Variants in LYPD6B observed in about 807,000 individuals in gnomAD.
The protein encoded by LYPD6B is LY6/PLAUR domain containing 6B, also known as ly6/PLAUR domain-containing protein 6B.
Under a neutral mutation model 22.8 loss-of-function variants are expected in LYPD6B, and 17 were observed. The ratio of observed to expected loss-of-function variants is 0.75; its 90% CI spans 0.51 to 1.12. The LOEUF (loss-of-function observed/expected upper bound fraction) is 1.12. Among genes scored for constraint, LYPD6B ranks in the 50% most tolerant of loss-of-function variants. The pLI, the probability that LYPD6B is intolerant of heterozygous loss-of-function variation, is 0.00. For missense variants in LYPD6B, 221 were observed against 258.3 expected (o/e 0.86, Z 0.99); for synonymous variants, 106 against 91.6 (o/e 1.16, Z -0.90).
At chr2:149,154,508 G>A (rs1689574508) in intron 2 of LYPD6B, among the ~76,000 whole-genome samples, 1 of 151,930 alleles carries the variant, frequency 6.6e-6, no homozygotes, top group South Asian at 2.1e-4. Flanking sequence ...ATTTATTATA[G>A]CAGACCTAGG....
intron 1 of LYPD6B, among the ~76,000 whole-genome samples, chr2:149,054,994 T>C (rs1469932268): frequency 6.6e-6 from 1 of 152,196 alleles, no homozygotes; most frequent in African/African-American, 2.4e-5. Flanking sequence ...CAAGGTCACA[T>C]AGGTTTCTTC....
At chr2:149,189,810 T>C (rs1294369295) in intron 3 of LYPD6B, among the ~76,000 whole-genome samples, 1 of 152,112 alleles carries the variant, frequency 6.6e-6, no homozygotes, top group Non-Finnish European at 1.5e-5. Flanking sequence ...ATTAGGATGG[T>C]GAATTGTCAG....
At chr2:149,092,939 A>T (rs1685725266) in intron 1 of LYPD6B, among the ~76,000 whole-genome samples, 1 of 152,224 alleles carries the variant, frequency 6.6e-6, no homozygotes, top group South Asian at 2.1e-4. Context: ...TCACAGACAG[A>T]CTAATCCACA....
intron 2 of LYPD6B, among the ~76,000 whole-genome samples, chr2:149,156,793 T>C (rs229322): frequency 0.13 from 19,548 of 152,078 alleles, 1,781 homozygotes; most frequent in African/African-American, 0.26. Flanking sequence ...GTGGTTGGGG[T>C]ACACAGTTCA....
At chr2:149,211,877 G>T (rs1246594831) in intron 5 of LYPD6B, among the ~76,000 whole-genome samples, 1 of 151,634 alleles carries the variant, frequency 6.6e-6, no homozygotes, top group Non-Finnish European at 1.5e-5. Context: ...AGAACCCTAA[G>T]TAATAAAATG....
chr2:149,073,889 G>T (rs1337685957), intron 1 of LYPD6B, among the ~76,000 whole-genome samples: 2 of 151,944 alleles, frequency 1.3e-5, no homozygotes, highest in Non-Finnish European at 2.9e-5. Flanking sequence ...GGGTGAGGGC[G>T]TGGAGACCCA....
At chr2:149,047,213 C>T in intron 1 of LYPD6B, among the ~76,000 whole-genome samples, 1 of 151,934 alleles carries the variant, frequency 6.6e-6, no homozygotes, top group Non-Finnish European at 1.5e-5. Context: ...CTTAATTTAA[C>T]ATTTGTTGTA....
rs869074241 is a variant in LYPD6B at position 149,120,383 on chromosome 2, A to ATTT, written c.-66-10483_-66-10481dup. The stretch of plus-strand genomic sequence containing the variant: ...TGTGTATATATATATATATATATAT[A>ATTT]TTTTTTTTTTTTTTTTTTTGAGATG... On this transcript the variant is annotated intron_variant, in intron 1 of 6. Coordinates refer to ENST00000409642, the MANE Select transcript of LYPD6B (RefSeq NM_177964.5). 6.2e-4 allele frequency among the ~76,000 whole-genome samples: 30 copies of ATTT among 48,612 alleles called. 4 individuals carry two copies. The highest frequency in any genetic ancestry group is 3.1e-3 in the East Asian group (2 of 648). The allele number at this position is 48,612 out of a possible 152,430, so 31.9% of individuals were successfully genotyped here. A position where few individuals can be genotyped will look rare whatever the true frequency, so the allele number is the denominator to read the frequency against.
At chr2:149,039,775 C>T (rs1019202949) in intron 1 of LYPD6B, among the ~76,000 whole-genome samples, 1 of 152,172 alleles carries the variant, frequency 6.6e-6, no homozygotes, top group Non-Finnish European at 1.5e-5. Context: ...GGATGCCTTA[C>T]TTGCTGACAG....
In LYPD6B at chr2:149,115,811, C is replaced by T. The variant is rs146612693; in HGVS notation, c.-66-15072C>T. On this transcript the variant is annotated intron_variant, in intron 1 of 6. Coordinates refer to ENST00000409642, the MANE Select transcript of LYPD6B (RefSeq NM_177964.5). ...CAAGGTTTCGATTACCTACGGTCAG[C>T]CTCAGTCTGAAAATATTAAATGGAA... Among the ~76,000 whole-genome samples, 960 of 152,294 alleles carry T rather than the reference C, an allele frequency of 6.3e-3. 12 individuals carry two copies. Among genetic ancestry groups the T allele is most frequent in the African/African-American group, 0.021 (879 of 41,552 alleles).
At position 149,124,299 on chromosome 2, in the gene LYPD6B, C is replaced by T. The variant is rs918269477; in HGVS notation, c.-66-6584C>T. Reference sequence around the variant, plus strand: ...CCAACTACCTTGTAATTATCAATGACGGTTGTTCCACTGGGCAGAGAACAT... The same window carrying T: ...CCAACTACCTTGTAATTATCAATGATGGTTGTTCCACTGGGCAGAGAACAT... On this transcript the variant is annotated intron_variant, in intron 1 of 6. Transcript: ENST00000409642. Among the ~76,000 whole-genome samples the T allele has an allele frequency of 7.9e-5, 12 of 152,262 alleles. No homozygotes were observed. The South Asian group carries it at 8.3e-4, about 11-fold the overall frequency.
At chr2:149,095,764 G>T (rs1470166576) in intron 1 of LYPD6B, among the ~76,000 whole-genome samples, 2 of 151,812 alleles carry the variant, frequency 1.3e-5, no homozygotes, top group African/African-American at 4.8e-5. Context: ...AGAGAAAGAG[G>T]CAGGAGACAG....
chr2:149,120,379 A>ATTTT (rs1371894805), intron 1 of LYPD6B, among the ~76,000 whole-genome samples: 549 of 43,590 alleles, frequency 0.013, 19 homozygotes, highest in African/African-American at 0.027. Flanking sequence ...ATATATATAT[A>ATTTT]TATATTTTTT....
At chr2:149,138,812 T>A (rs1327579111) in intron 2 of LYPD6B, among the ~76,000 whole-genome samples, 1 of 152,204 alleles carries the variant, frequency 6.6e-6, no homozygotes, top group Non-Finnish European at 1.5e-5. Flanking sequence ...CCTCCCAAAG[T>A]GCTAGGATTA....
intron 1 of LYPD6B, among the ~76,000 whole-genome samples, chr2:149,054,062 A>T (rs1006136345): frequency 4.6e-5 from 7 of 152,240 alleles, no homozygotes; most frequent in African/African-American, 1.7e-4. Context: ...TTCTGTAAGC[A>T]TTCATGTATA....
intron 4 of LYPD6B, chr2:149,205,973 G>C (rs571608145): frequency 3.5e-5 from 16 of 461,082 alleles, no homozygotes; most frequent in African/African-American, 3.0e-4. Flanking sequence ...CATATGTCTA[G>C]ATATGTGTTT....
Position 149,200,921 on chromosome 2 carries a change from A to G in LYPD6B, c.78-4332A>G, listed in dbSNP as rs147053390. 2.9e-4 allele frequency among the ~76,000 whole-genome samples: 44 copies of G among 152,346 alleles called. 1 individual carries two copies. The East Asian group carries it at 8.1e-3, about 28-fold the overall frequency. On this transcript the variant is annotated intron_variant, in intron 3 of 6. Transcript: ENST00000409642. ...TGTATCTTCCGAAGGGAGGACTCATAAAACACAGGAAAAATCAGTACCATA... is the reference window on the plus strand; with the variant it reads ...TGTATCTTCCGAAGGGAGGACTCATGAAACACAGGAAAAATCAGTACCATA...
At chr2:149,205,109 G>A in intron 3 of LYPD6B, 144 bp from the exon 4 acceptor site, 1 of 753,456 alleles carries the variant, frequency 1.3e-6, no homozygotes. Flanking sequence ...CAAAAACAAT[G>A]CAATTTACTC....
chr2:149,205,852 G>A (rs368601531), intron 4 of LYPD6B, among the ~76,000 whole-genome samples: 6 of 152,100 alleles, frequency 3.9e-5, no homozygotes, highest in East Asian at 1.9e-4. Flanking sequence ...ACTACCGCGC[G>A]TAATCACCAT....
Sources: gnomAD v4.1 joint callset for allele counts (sites outside exome capture counted in the v4.1 genomes callset) on GRCh38, gnomAD v4.1.1 for gene constraint, MANE v1.5 for transcripts, NCBI Gene and HGNC (gene_info 2026-07-23, HGNC 2026-07-21) for gene names.